The following DLC1 variants were observed in gnomAD, a reference collection of about 807,000 sequenced individuals.
DLC1 encodes the protein rho GTPase-activating protein 7.
A neutral mutation model predicts 140.3 loss-of-function variants in DLC1; 54 were observed. The ratio of observed to expected loss-of-function variants is 0.38; its 90% CI spans 0.31 to 0.48. DLC1 has a LOEUF of 0.48. Ranked by LOEUF, DLC1 falls within the 20% of genes least tolerant of loss-of-function variation. The probability of loss-of-function intolerance (pLI) is 0.96; values close to 1 mark genes in which losing one functional copy is unlikely to be tolerated. For synonymous variants in DLC1, 986 were observed against 728.1 expected (o/e 1.35, Z -5.70); for missense variants, 2,536 against 1,907.0 (o/e 1.33, Z -6.14).
chr8:13,102,172 CACTT>C (rs1380614805), intron 8 of DLC1, among the ~76,000 whole-genome samples: 3 of 152,178 alleles, frequency 2.0e-5, no homozygotes, highest in African/African-American at 7.2e-5. Context: ...TAATTTGTGA[CACTT>C]ACTCCCAGTA....
chr8:13,115,528 C>G (rs556871942), intron 6 of DLC1, 58 bp downstream of exon 6: 5 of 1,469,176 alleles, frequency 3.4e-6, no homozygotes, highest in Non-Finnish European at 4.7e-6. Flanking sequence ...ATCAGTAATA[C>G]TCGCGAACAA....
At chr8:13,450,124 T>C (rs1798971150) in intron 2 of DLC1, among the ~76,000 whole-genome samples, 2 of 151,820 alleles carry the variant, frequency 1.3e-5, no homozygotes, top group African/African-American at 2.4e-5. Flanking sequence ...TTTAGTAAAA[T>C]AAATTTATTG....
At chr8:13,093,993 T>G (rs1213701418) in intron 12 of DLC1, among the ~76,000 whole-genome samples, 1 of 152,198 alleles carries the variant, frequency 6.6e-6, no homozygotes, top group Admixed American at 6.5e-5. Flanking sequence ...GAGACTGAGA[T>G]GAATAACAGA....
rs114072740 is a variant in DLC1, at chr8:13,472,746, C to G, written c.1023+26303G>C. ...AGGGATTCCCCATTCAGAAGAAATGCAGGAATTGACTATCAAATAATTAAA... is the reference window on the plus strand; with the variant it reads ...AGGGATTCCCCATTCAGAAGAAATGGAGGAATTGACTATCAAATAATTAAA... On this transcript the variant is annotated intron_variant, in intron 2 of 17. Transcript: ENST00000276297. Among the ~76,000 whole-genome samples the G allele has an allele frequency of 3.7e-3, 571 of 152,288 alleles. 5 individuals are homozygous for G. The highest frequency in any genetic ancestry group is 0.013 in the African/African-American group (550 of 41,552).
chr8:13,295,566 C>T (rs1019411997), intron 5 of DLC1, among the ~76,000 whole-genome samples: 1 of 152,112 alleles, frequency 6.6e-6, no homozygotes, highest in African/African-American at 2.4e-5. Context: ...TGATAAAACA[C>T]ATCTAAAAAA....
intron 4 of DLC1, among the ~76,000 whole-genome samples, chr8:13,361,214 G>A (rs978274393): frequency 1.3e-5 from 2 of 151,994 alleles, no homozygotes; most frequent in African/African-American, 4.8e-5. Flanking sequence ...CCTGGGCGAC[G>A]GAGTGAGACC....
intron 5 of DLC1, among the ~76,000 whole-genome samples, chr8:13,130,650 T>G (rs1401477442): frequency 6.6e-6 from 1 of 152,248 alleles, no homozygotes; most frequent in African/African-American, 2.4e-5. Context: ...TGCTCATCTA[T>G]TCACTGTTTA....
At chr8:13,186,802 A>G (rs920865575) in intron 5 of DLC1, among the ~76,000 whole-genome samples, 5 of 152,098 alleles carry the variant, frequency 3.3e-5, no homozygotes, top group African/African-American at 1.2e-4. Flanking sequence ...CTACCTTTGG[A>G]CTTTGATGTT....
chr8:13,291,154 C>G (rs1831743100), intron 5 of DLC1, among the ~76,000 whole-genome samples: 2 of 152,314 alleles, frequency 1.3e-5, no homozygotes, highest in Middle Eastern at 3.4e-3. Flanking sequence ...AGTGATCTGC[C>G]CGCCTCAGCC....
At chr8:13,397,213 A>G (rs1459790334) in intron 3 of DLC1, among the ~76,000 whole-genome samples, 1 of 152,112 alleles carries the variant, frequency 6.6e-6, no homozygotes, top group African/African-American at 2.4e-5. Flanking sequence ...CTGACCCTCA[A>G]TATAGAGAAG....
chr8:13,343,261 T>G (rs1834160372), intron 4 of DLC1, among the ~76,000 whole-genome samples: 1 of 152,214 alleles, frequency 6.6e-6, no homozygotes, highest in South Asian at 2.1e-4. Context: ...GTTTGCAGCC[T>G]TAAGTGTAGA....
chr8:13,352,398 C>T (rs1440534363), intron 4 of DLC1, among the ~76,000 whole-genome samples: 2 of 152,022 alleles, frequency 1.3e-5, no homozygotes, highest in South Asian at 2.1e-4. Context: ...CTTTCTTTCT[C>T]TTGAGACAGG....
rs932781326 is a variant in DLC1 at position 13,503,018 on chromosome 8, G to C, written c.-125-2822C>G. Among the ~76,000 whole-genome samples, 5 of 152,282 alleles carry C rather than the reference G, an allele frequency of 3.3e-5. No homozygotes were observed. In the East Asian group the frequency reaches 7.7e-4, roughly 24 times the overall value. ...TGAAATTTCCAAATTTGTGATATTC[G>C]TGCATGATTTTGAATTCATTGTTTG... On this transcript the variant is annotated intron_variant, in intron 1 of 17. Coordinates refer to ENST00000276297, the MANE Select transcript of DLC1 (RefSeq NM_182643.3).
chr8:13,394,997 C>T (rs1226796287), intron 3 of DLC1, among the ~76,000 whole-genome samples: 1 of 73,936 alleles, frequency 1.4e-5, no homozygotes. Context: ...TGCTAATCTA[C>T]TACATATTCT....
intron 1 of DLC1, among the ~76,000 whole-genome samples, chr8:13,520,288 C>T (rs1006947691): frequency 6.6e-6 from 1 of 152,196 alleles, no homozygotes; most frequent in African/African-American, 2.4e-5. Flanking sequence ...GAATACTATG[C>T]AGCCATAAAA....
chr8:13,091,295 A>C, intron 14 of DLC1, 23 bp downstream of exon 14: 1 of 1,611,680 alleles, frequency 6.2e-7, no homozygotes, highest in South Asian at 1.1e-5. Context: ...TTAATAAAGG[A>C]GCCAAACTTC....
chr8:13,524,695 T>C (rs1012428358), intron 1 of DLC1, among the ~76,000 whole-genome samples: 4 of 143,558 alleles, frequency 2.8e-5, no homozygotes, highest in Non-Finnish European at 6.3e-5. Flanking sequence ...TTTCAGGTAG[T>C]ATATTTCTGT....
chr8:13,590,473 A>T (rs1053920640), intron 1 of DLC1, among the ~76,000 whole-genome samples: 12 of 152,062 alleles, frequency 7.9e-5, no homozygotes, highest in Admixed American at 6.6e-4. Flanking sequence ...TGGACACTTC[A>T]ATGGTGGATA....
At chr8:13,353,537 A>G (rs1025299559) in intron 4 of DLC1, 3 of 152,196 alleles carry the variant, frequency 2.0e-5, no homozygotes, top group African/African-American at 7.2e-5. Context: ...TAATATCTGT[A>G]AAAGACTTCA....
Sources: allele counts gnomAD v4.1 joint callset (sites outside exome capture counted in the v4.1 genomes callset), GRCh38; gene constraint gnomAD v4.1.1; transcripts MANE v1.5; gene names NCBI Gene and HGNC (gene_info 2026-07-23, HGNC 2026-07-21).